The following MAP3K5 variants were observed in gnomAD, a reference collection of about 807,000 sequenced individuals.
The protein encoded by MAP3K5 is ASK-1.
In MAP3K5, 56 loss-of-function variants were observed where a neutral mutation model predicts 158.7. That is an observed-to-expected ratio of 0.35 (90% CI 0.28 to 0.44). The LOEUF (loss-of-function observed/expected upper bound fraction) is 0.44. Ranked by LOEUF, MAP3K5 falls within the 20% of genes least tolerant of loss-of-function variation. The pLI is 1.00. For synonymous variants in MAP3K5, 579 were observed against 601.7 expected (o/e 0.96, Z 0.55); for missense variants, 1,294 against 1,674.8 (o/e 0.77, Z 3.97).
intron 11 of MAP3K5, among the ~76,000 whole-genome samples, chr6:136,650,544 A>G (rs1423574342): frequency 6.6e-6 from 1 of 152,250 alleles, no homozygotes; most frequent in Non-Finnish European, 1.5e-5. Context: ...TTTGGCAACT[A>G]CTTAGATAAC....
At chr6:136,742,910 G>A (rs569065753) in intron 1 of MAP3K5, among the ~76,000 whole-genome samples, 33 of 152,160 alleles carry the variant, frequency 2.2e-4, no homozygotes, top group Non-Finnish European at 4.1e-4. Flanking sequence ...CATGTTCATG[G>A]GGCCAGGCAA....
At chr6:136,660,002 T>C (rs1237602030) in intron 8 of MAP3K5, among the ~76,000 whole-genome samples, 1 of 152,200 alleles carries the variant, frequency 6.6e-6, no homozygotes, top group Non-Finnish European at 1.5e-5. Context: ...GTCACTTTAA[T>C]GTACATAAAT....
intron 25 of MAP3K5, among the ~76,000 whole-genome samples, chr6:136,571,335 G>C (rs567316874): frequency 2.8e-4 from 42 of 152,244 alleles, no homozygotes; most frequent in African/African-American, 7.7e-4. Flanking sequence ...GGGAGTGAAA[G>C]GGATGTAGCA....
rs376414394 is a variant in MAP3K5 at position 136,782,055 on chromosome 6, GAA to G, written c.448+9653_448+9654del. Among the ~76,000 whole-genome samples, 592 of 132,710 alleles carry G rather than the reference GAA, an allele frequency of 4.5e-3. 15 individuals are homozygous for G. The South Asian group carries it at 0.06, about 13-fold the overall frequency. The allele number at this position is 132,710 out of a possible 152,430, so 87.1% of individuals were successfully genotyped here. A position where few individuals can be genotyped will look rare whatever the true frequency, so the allele number is the denominator to read the frequency against. ...ACAAGGCAAAACCCTGTCTCTACTG[GAA>G]AAAAAAAAAAAAAAAGGGTATTTGA... is the stretch of plus-strand genomic sequence containing the variant. On this transcript the variant is annotated intron_variant, in intron 1 of 29. Coordinates refer to ENST00000359015, the MANE Select transcript of MAP3K5 (RefSeq NM_005923.4).
At chr6:136,749,705 G>C (rs1783114323) in intron 1 of MAP3K5, among the ~76,000 whole-genome samples, 2 of 152,024 alleles carry the variant, frequency 1.3e-5, no homozygotes, top group South Asian at 4.2e-4. Context: ...CCAATAGAAT[G>C]TGAACTTTCA....
intron 1 of MAP3K5, among the ~76,000 whole-genome samples, chr6:136,741,884 T>A (rs988012240): frequency 1.3e-5 from 2 of 152,126 alleles, no homozygotes; most frequent in African/African-American, 4.8e-5. Flanking sequence ...AAAAACACAA[T>A]GCCATTTACA....
intron 21 of MAP3K5, among the ~76,000 whole-genome samples, chr6:136,599,546 G>T (rs1775787874): frequency 6.6e-6 from 1 of 152,020 alleles, no homozygotes; most frequent in Non-Finnish European, 1.5e-5. Flanking sequence ...TGAGTTCACA[G>T]AAGTTAAATG....
intron 14 of MAP3K5, chr6:136,629,262 G>T (rs1372880531): frequency 1.3e-5 from 2 of 152,130 alleles, no homozygotes; most frequent in Non-Finnish European, 2.9e-5. Flanking sequence ...TTCGGCGGGG[G>T]CTTAATCACA....
At chr6:136,569,267 C>A (rs1178540545) in intron 25 of MAP3K5, among the ~76,000 whole-genome samples, 1 of 152,186 alleles carries the variant, frequency 6.6e-6, no homozygotes, top group Non-Finnish European at 1.5e-5. Flanking sequence ...TGGGGGAAAT[C>A]TGCATTCTGT....
chr6:136,685,819 C>T (rs1318530027), intron 7 of MAP3K5, among the ~76,000 whole-genome samples: 1 of 152,088 alleles, frequency 6.6e-6, no homozygotes, highest in African/African-American at 2.4e-5. Context: ...CCCTTTGGGA[C>T]CCATGACTAA....
At position 136,572,064 on chromosome 6, in the gene MAP3K5, C is replaced by T. The variant is rs1045690249; in HGVS notation, c.3518-4190G>A. The stretch of plus-strand genomic sequence containing the variant: ...CCCAGCGCTGATTGCAGGGGCTAAA[C>T]GTATTAGGTCTTCAAAAACTGTTGG... On this transcript the variant is annotated intron_variant, in intron 25 of 29. Coordinates refer to ENST00000359015, the MANE Select transcript of MAP3K5 (RefSeq NM_005923.4). Among the ~76,000 whole-genome samples the T allele has an allele frequency of 5.3e-5, 8 of 152,238 alleles. No individual in the cohort carries two copies. The South Asian group carries it at 6.2e-4, about 12-fold the overall frequency.
intron 1 of MAP3K5, among the ~76,000 whole-genome samples, chr6:136,752,315 G>A (rs1323743205): frequency 2.6e-5 from 4 of 152,092 alleles, no homozygotes; most frequent in Admixed American, 6.5e-5. Flanking sequence ...GGATGGTGCC[G>A]AGGAAACAAC....
At chr6:136,775,901 A>G (rs913578021) in intron 1 of MAP3K5, among the ~76,000 whole-genome samples, 6 of 152,230 alleles carry the variant, frequency 3.9e-5, no homozygotes, top group Non-Finnish European at 8.8e-5. Context: ...TCAAATTAGA[A>G]GTTAACTTGC....
intron 14 of MAP3K5, among the ~76,000 whole-genome samples, chr6:136,628,790 G>C (rs1393454615): frequency 3.9e-5 from 6 of 152,066 alleles, no homozygotes; most frequent in Non-Finnish European, 8.8e-5. Flanking sequence ...CATCTCTGTG[G>C]GTAATTGCTG....
intron 14 of MAP3K5, among the ~76,000 whole-genome samples, chr6:136,633,703 C>T (rs1441665314): frequency 6.6e-6 from 1 of 152,172 alleles, no homozygotes; most frequent in African/African-American, 2.4e-5. Context: ...GAGTTATTGC[C>T]TTGGGCTTCT....
intron 1 of MAP3K5, among the ~76,000 whole-genome samples, chr6:136,777,933 T>C (rs141900662): frequency 8.5e-5 from 13 of 152,282 alleles, no homozygotes; most frequent in African/African-American, 1.4e-4. Context: ...AAATACCAAA[T>C]TGAAATTATG....
chr6:136,760,586 C>T (rs1783704812), intron 1 of MAP3K5, among the ~76,000 whole-genome samples: 1 of 152,050 alleles, frequency 6.6e-6, no homozygotes, highest in African/African-American at 2.4e-5. Flanking sequence ...AAATCCTCAC[C>T]CCCCAAGGTG....
At chr6:136,610,197 T>C (rs1219939782) in intron 18 of MAP3K5, among the ~76,000 whole-genome samples, 1 of 152,028 alleles carries the variant, frequency 6.6e-6, no homozygotes, top group Non-Finnish European at 1.5e-5. Flanking sequence ...TCATGAGAAT[T>C]AGCATGATGG....
At chr6:136,607,899 T>C (rs1776167637) in intron 18 of MAP3K5, among the ~76,000 whole-genome samples, 1 of 152,284 alleles carries the variant, frequency 6.6e-6, no homozygotes, top group South Asian at 2.1e-4. Context: ...TACAGCATGT[T>C]AGAAAGTGAC....
Sources: allele counts gnomAD v4.1 joint callset (sites outside exome capture counted in the v4.1 genomes callset), GRCh38; gene constraint gnomAD v4.1.1; transcripts MANE v1.5; gene names NCBI Gene and HGNC (gene_info 2026-07-23, HGNC 2026-07-21).